ARHGEF18: variants seen among roughly 807,000 people sequenced by gnomAD.
ARHGEF18 encodes rho guanine nucleotide exchange factor 18.
ARHGEF18 carries 93 observed loss-of-function variants against 155.7 expected under a neutral mutation model. The ratio of observed to expected loss-of-function variants is 0.60; its 90% CI spans 0.50 to 0.71. ARHGEF18 has a LOEUF of 0.71. Among genes scored for constraint, ARHGEF18 ranks in the 30% least tolerant of loss-of-function variants. ARHGEF18 has a pLI of 0.00. For missense variants in ARHGEF18, 1,593 were observed against 1,816.1 expected, an observed-to-expected ratio of 0.88 and a Z score of 2.23; for synonymous variants, 742 against 753.1, an observed-to-expected ratio of 0.99 and a Z score of 0.24.
At chr19:7,451,113 A>G (rs773539636) in intron 15 of ARHGEF18, 36 bp from the exon 16 acceptor site, 2 of 1,446,874 alleles carry the variant, frequency 1.4e-6, no homozygotes, top group African/African-American at 2.8e-5. Flanking sequence ...TCCGTTTCTG[A>G]GATGTTAATA....
chr19:7,407,761 G>A (rs1972404298), intron 10 of ARHGEF18, among the ~76,000 whole-genome samples: 1 of 151,948 alleles, frequency 6.6e-6, no homozygotes, highest in Admixed American at 6.6e-5. Flanking sequence ...AGGAGATTAA[G>A]ACCATCTTGA....
In ARHGEF18 at chr19:7,467,123, A is replaced by T. The variant is rs562007378; in HGVS notation, c.3009+5A>T. On this transcript the variant is annotated splice_donor_5th_base_variant and intron_variant, in intron 25 of 28. Transcript: ENST00000668164. ...CAGCTGCTCCTGAACCTTCAGGTAC[A>T]GGGGCGGGGTGGGGCCGGCCACGCG... 1.1e-4 allele frequency: 172 copies of T among 1,596,874 alleles called. No individual in the cohort carries two copies. Among genetic ancestry groups the T allele is most frequent in the Non-Finnish European group, 2.0e-5 (23 of 1,167,998 alleles).
chr19:7,415,028 A>C (rs944759326), intron 10 of ARHGEF18, among the ~76,000 whole-genome samples: 1 of 151,998 alleles, frequency 6.6e-6, no homozygotes, highest in African/African-American at 2.4e-5. Context: ...ATAAAATAAT[A>C]CTAGTTTGAG....
Position 7,463,742 on chromosome 19 carries a change from G to A in ARHGEF18, c.2636-76G>A, listed in dbSNP as rs999473506. The A allele has an allele frequency of 2.5e-5, 36 of 1,467,152 alleles. No individual in the cohort carries two copies. Among genetic ancestry groups the A allele is most frequent in the Admixed American group, 1.2e-4 (5 of 41,530 alleles). 90.9% of individuals were successfully genotyped at this position (1,467,152 alleles called of 1,614,324 possible). A position where few individuals can be genotyped will look rare whatever the true frequency, so the allele number is the denominator to read the frequency against. ...GAGTCCCTCCGTCCACCCGGGTCTC[G>A]CTGCCCCAGCGCTCCGTATTCCCCC... On this transcript the variant is annotated intron_variant, in intron 21 of 28. Coordinates refer to ENST00000668164, the MANE Select transcript of ARHGEF18 (RefSeq NM_001367823.1). This position sits in a 1 kb window ranked among gnomAD's most constrained non-coding sequence, Gnocchi z 5.2.
intron 10 of ARHGEF18, among the ~76,000 whole-genome samples, chr19:7,434,342 C>T (rs1043962527): frequency 2.6e-5 from 4 of 152,058 alleles, no homozygotes; most frequent in East Asian, 1.9e-4. Flanking sequence ...TTAAAAATCA[C>T]CCTGAGGATA....
intron 10 of ARHGEF18, among the ~76,000 whole-genome samples, chr19:7,429,955 C>A (rs1973865014): frequency 6.6e-6 from 1 of 151,664 alleles, no homozygotes; most frequent in Admixed American, 6.6e-5. Flanking sequence ...TCGACTTGTG[C>A]CTCAATATAC....
chr19:7,473,672 T>C (rs556195230), downstream of ARHGEF18, among the ~76,000 whole-genome samples: 25 of 151,986 alleles, frequency 1.6e-4, no homozygotes, highest in South Asian at 4.2e-4. Flanking sequence ...TAGCCGGGCG[T>C]GGTGGCGGGC....
intron 2 of ARHGEF18, among the ~76,000 whole-genome samples, chr19:7,367,772 TACAC>T (rs1217610128): frequency 3.0e-4 from 36 of 120,488 alleles, no homozygotes; most frequent in Non-Finnish European, 4.7e-4. Context: ...TATATATATA[TACAC>T]ATATATATAT....
chr19:7,462,493 G>A lies in ARHGEF18; in HGVS notation c.2635+159G>A, dbSNP rs1306892690. ...CCAGGAGCAGCACTGACCGCCCCCC[G>A]GTGCCTGTGAGAGCCAGAAGGGCCT... On this transcript the variant is annotated intron_variant, in intron 21 of 28. Coordinates refer to ENST00000668164, the MANE Select transcript of ARHGEF18 (RefSeq NM_001367823.1). This position sits in a 1 kb window ranked among gnomAD's most constrained non-coding sequence, Gnocchi z 4.4. Among the ~76,000 whole-genome samples the A allele has an allele frequency of 2.6e-5, 4 of 152,212 alleles. No homozygotes were observed. Among genetic ancestry groups the A allele is most frequent in the South Asian group, 2.1e-4 (1 of 4,838 alleles).
intron 19 of ARHGEF18, 88 bp from the exon 20 acceptor site, chr19:7,459,815 G>T (rs1259971843): frequency 5.5e-6 from 6 of 1,089,216 alleles, no homozygotes; most frequent in Non-Finnish European, 7.9e-6. Flanking sequence ...AGAGACGGTC[G>T]TGGCGGCTGG....
At position 7,470,387 on chromosome 19, in the gene ARHGEF18, C is replaced by A; in HGVS notation, c.*89C>A. 1 of 1,217,374 alleles carries A rather than the reference C, an allele frequency of 8.2e-7. No individual in the cohort carries two copies. The highest frequency in any genetic ancestry group is 1.1e-6 in the Non-Finnish European group (1 of 950,616). 75.4% of individuals were successfully genotyped at this position (1,217,374 alleles called of 1,614,324 possible). On this transcript the variant is annotated 3_prime_UTR_variant, in exon 29 of 29. Transcript: ENST00000668164. The surrounding 1 kb of genome is among the most constrained non-coding windows in gnomAD (Gnocchi z 5.9). ...ACCCCCATGGGGTCACCATGCCCAC[C>A]CAGCTGTCCCCTCCTCTTCCCTAGC...
intron 18 of ARHGEF18, 34 bp from the exon 19 acceptor site, chr19:7,458,478 A>G: frequency 6.3e-7 from 1 of 1,599,642 alleles, no homozygotes; most frequent in Non-Finnish European, 8.6e-7. Context: ...TGTGGGGTAA[A>G]GGGTGACCTC....
At chr19:7,405,082 C>T (rs1568303543) in intron 10 of ARHGEF18, among the ~76,000 whole-genome samples, 1 of 151,994 alleles carries the variant, frequency 6.6e-6, no homozygotes, top group African/African-American at 2.4e-5. Context: ...CTCAGCCTCC[C>T]CAGTAACTGG....
In ARHGEF18 at chr19:7,463,980, C is replaced by T. The variant is rs1224325356; in HGVS notation, c.2773+25C>T. Reference sequence around the variant, plus strand: ...AGTAAGAGCGGGGCCGTCTCCCCTCCTGCCTCCAGGGCCGCCCCTCAGGAT... The same window carrying T: ...AGTAAGAGCGGGGCCGTCTCCCCTCTTGCCTCCAGGGCCGCCCCTCAGGAT... On this transcript the variant is annotated intron_variant, in intron 22 of 28. Transcript: ENST00000668164. This position sits in a 1 kb window ranked among gnomAD's most constrained non-coding sequence, Gnocchi z 5.2. 9.6e-6 allele frequency: 15 copies of T among 1,556,984 alleles called. No homozygotes were observed. Among genetic ancestry groups the T allele is most frequent in the Middle Eastern group, 3.4e-4 (2 of 5,920 alleles).
chr19:7,370,042 GA>G (rs1297214642), intron 2 of ARHGEF18, among the ~76,000 whole-genome samples: 1 of 151,346 alleles, frequency 6.6e-6, no homozygotes, highest in African/African-American at 2.4e-5. Flanking sequence ...ACTGAAAATA[GA>G]AAAATCAGCC....
chr19:7,405,311 T>G (rs1972247410), intron 10 of ARHGEF18, among the ~76,000 whole-genome samples: 1 of 152,220 alleles, frequency 6.6e-6, no homozygotes, highest in Non-Finnish European at 1.5e-5. Context: ...CTTGTAGCCA[T>G]GTCATTCCAC....
Position 7,439,645 on chromosome 19 carries a change from CG to C in ARHGEF18, c.968-698del. On this transcript the variant is annotated intron_variant, in intron 10 of 28. Coordinates refer to ENST00000668164, the MANE Select transcript of ARHGEF18 (RefSeq NM_001367823.1). Reference sequence around the variant, plus strand: ...CAGAATCGGAGCCTCGCGTCCACTTCGATGCTAGAATTCTGTTCGAGTGCTG... The same window carrying C: ...CAGAATCGGAGCCTCGCGTCCACTTCATGCTAGAATTCTGTTCGAGTGCTG... 6.2e-6 allele frequency: 7 copies of C among 1,125,710 alleles called. No individual in the cohort carries two copies. The South Asian group carries it at 9.5e-5, about 15-fold the overall frequency. 69.7% of individuals were successfully genotyped at this position (1,125,710 alleles called of 1,614,324 possible).
chr19:7,357,297 G>T (rs1600170515), intron 1 of ARHGEF18, among the ~76,000 whole-genome samples: 1 of 152,192 alleles, frequency 6.6e-6, no homozygotes, highest in Non-Finnish European at 1.5e-5. Context: ...GATTACCAAA[G>T]TGTCTGCCTG....
chr19:7,426,223 C>T (rs1321763289), intron 10 of ARHGEF18, among the ~76,000 whole-genome samples: 3 of 152,090 alleles, frequency 2.0e-5, no homozygotes, highest in East Asian at 1.9e-4. Flanking sequence ...CGCGGTGGCT[C>T]ATGCCTGTAA....
Sources: allele counts gnomAD v4.1 joint callset (sites outside exome capture counted in the v4.1 genomes callset), GRCh38; gene constraint gnomAD v4.1.1; non-coding constraint Gnocchi (gnomAD v3.1); transcripts MANE v1.5; gene names NCBI Gene and HGNC (gene_info 2026-07-23, HGNC 2026-07-21).